The following PEBP4 variants were observed in gnomAD, a reference collection of about 807,000 sequenced individuals.
PEBP4 encodes the protein phosphatidylethanolamine-binding protein 4.
In PEBP4, 22 loss-of-function variants were observed where a neutral mutation model predicts 23.9. That is an observed-to-expected ratio of 0.92 (90% CI 0.66 to 1.31). The LOEUF (loss-of-function observed/expected upper bound fraction) is 1.31. PEBP4 is among the 40% of genes most tolerant of loss of function. The pLI, the probability that PEBP4 is intolerant of heterozygous loss-of-function variation, is 0.00. For synonymous variants in PEBP4, 112 were observed against 99.3 expected, an observed-to-expected ratio of 1.13 and a Z score of -0.76; for missense variants, 324 against 281.7, an observed-to-expected ratio of 1.15 and a Z score of -1.07.
chr8:22,759,478 C>T (rs1805459969), intron 4 of PEBP4, among the ~76,000 whole-genome samples: 1 of 152,072 alleles, frequency 6.6e-6, no homozygotes, highest in Admixed American at 6.5e-5. Context: ...CACCTTGGCA[C>T]CCATCCTCTC....
chr8:22,857,440 C>T (rs888565023), intron 3 of PEBP4, among the ~76,000 whole-genome samples: 3 of 152,170 alleles, frequency 2.0e-5, no homozygotes, highest in African/African-American at 4.8e-5. Flanking sequence ...CTTGAAGGAC[C>T]GCCAGGAGTG....
At chr8:22,782,545 G>A (rs11135677) in intron 4 of PEBP4, among the ~76,000 whole-genome samples, 70,105 of 152,002 alleles carry the variant, frequency 0.46, 17,761 homozygotes, top group Middle Eastern at 0.63. Context: ...TCACATCTGG[G>A]CACCAGGGAG....
chr8:22,714,369 C>A (rs1804370921), intron 6 of PEBP4, among the ~76,000 whole-genome samples: 1 of 152,050 alleles, frequency 6.6e-6, no homozygotes, highest in Admixed American at 6.6e-5. Context: ...GCACCCTGGG[C>A]AGATGCTTGC....
chr8:22,821,390 C>T (rs578193238), intron 3 of PEBP4, among the ~76,000 whole-genome samples: 6 of 152,128 alleles, frequency 3.9e-5, no homozygotes, highest in South Asian at 4.2e-4. Flanking sequence ...ATGAGGTGAC[C>T]GGGTAGGGCA....
intron 4 of PEBP4, among the ~76,000 whole-genome samples, chr8:22,786,635 G>A (rs920386648): frequency 2.0e-5 from 3 of 152,104 alleles, no homozygotes; most frequent in East Asian, 1.9e-4. Flanking sequence ...AAAGTTGCTA[G>A]GGCAGCAGCT....
intron 4 of PEBP4, among the ~76,000 whole-genome samples, chr8:22,778,236 G>A (rs1327330761): frequency 6.6e-6 from 1 of 152,034 alleles, no homozygotes; most frequent in East Asian, 1.9e-4. Flanking sequence ...AGGTAAAGCA[G>A]CAAATGACCT....
intron 4 of PEBP4, among the ~76,000 whole-genome samples, chr8:22,807,942 C>T (rs1585283913): frequency 2.0e-5 from 3 of 150,106 alleles, no homozygotes; most frequent in African/African-American, 7.3e-5. Context: ...ACCTACTAAA[C>T]CTCTATCCAT....
intron 3 of PEBP4, among the ~76,000 whole-genome samples, chr8:22,916,642 C>T (rs7830360): frequency 0.096 from 14,126 of 147,024 alleles, 854 homozygotes; most frequent in African/African-American, 0.18. Context: ...TGCTCTCCCA[C>T]ATGTCATTCA....
chr8:22,730,263 G>T (rs940430488), intron 4 of PEBP4, among the ~76,000 whole-genome samples: 11 of 152,220 alleles, frequency 7.2e-5, no homozygotes, highest in African/African-American at 2.4e-4. Context: ...ATGGCCAAGT[G>T]CAACAGCTCA....
At chr8:22,876,070 A>G (rs1275854494) in intron 3 of PEBP4, among the ~76,000 whole-genome samples, 1 of 151,864 alleles carries the variant, frequency 6.6e-6, no homozygotes, top group African/African-American at 2.4e-5. Flanking sequence ...ACCACCACAC[A>G]TGACTTATTT....
chr8:22,828,279 A>G (rs1043673264), intron 3 of PEBP4, among the ~76,000 whole-genome samples: 3 of 152,132 alleles, frequency 2.0e-5, no homozygotes, highest in African/African-American at 4.8e-5. Context: ...TCCGGCCTCA[A>G]TCCCCATCTG....
At chr8:22,831,833 T>C (rs1251468983) in intron 3 of PEBP4, among the ~76,000 whole-genome samples, 2 of 151,956 alleles carry the variant, frequency 1.3e-5, no homozygotes, top group African/African-American at 2.4e-5. Context: ...CAGCAACTTG[T>C]GTTGTGTGTC....
intron 3 of PEBP4, among the ~76,000 whole-genome samples, chr8:22,883,341 T>A (rs1808302988): frequency 6.6e-6 from 1 of 152,218 alleles, no homozygotes. Context: ...GTTTGCCACA[T>A]CACCACTGCT....
At chr8:22,778,547 C>A (rs1805860144) in intron 4 of PEBP4, among the ~76,000 whole-genome samples, 1 of 152,150 alleles carries the variant, frequency 6.6e-6, no homozygotes. Context: ...CCACTGATAG[C>A]AACTGCTCCA....
chr8:22,774,024 A>G (rs1288813847), intron 4 of PEBP4, among the ~76,000 whole-genome samples: 2 of 152,068 alleles, frequency 1.3e-5, no homozygotes, highest in Non-Finnish European at 2.9e-5. Context: ...CGAGATACTC[A>G]GGTCTCTTCA....
chr8:22,829,722 A>G (rs1807041149), intron 3 of PEBP4, among the ~76,000 whole-genome samples: 1 of 152,154 alleles, frequency 6.6e-6, no homozygotes, highest in South Asian at 2.1e-4. Flanking sequence ...TCATTAAAAC[A>G]TGACCAAGTC....
intron 3 of PEBP4, chr8:22,886,761 A>T (rs1221085192): frequency 6.6e-6 from 1 of 152,606 alleles, no homozygotes; most frequent in Non-Finnish European, 1.5e-5. Context: ...GGGGTGGCCC[A>T]CCTGGCTGGC....
At chr8:22,926,850 C>A (rs1045595511) in intron 2 of PEBP4, among the ~76,000 whole-genome samples, 9 of 152,208 alleles carry the variant, frequency 5.9e-5, no homozygotes, top group African/African-American at 2.2e-4. Flanking sequence ...TCTCTCATTT[C>A]TCACACGTGG....
intron 4 of PEBP4, among the ~76,000 whole-genome samples, chr8:22,740,884 C>T (rs1432625398): frequency 6.6e-6 from 1 of 152,132 alleles, no homozygotes; most frequent in Non-Finnish European, 1.5e-5. Flanking sequence ...TATTCTGAGC[C>T]TTGAAGTTCC....
Sources: gnomAD v4.1 joint callset for allele counts (sites outside exome capture counted in the v4.1 genomes callset) on GRCh38, gnomAD v4.1.1 for gene constraint, MANE v1.5 for transcripts, NCBI Gene and HGNC (gene_info 2026-07-23, HGNC 2026-07-21) for gene names.